Variants in OPHN1 observed in about 807,000 individuals in gnomAD.
The protein encoded by OPHN1 is oligophrenin-1.
OPHN1 carries 11 observed loss-of-function variants against 60.7 expected under a neutral mutation model. That is an observed-to-expected ratio of 0.18 (90% confidence interval 0.11 to 0.30). The LOEUF is 0.30. Ranked by LOEUF, OPHN1 falls within the 10% of genes least tolerant of loss-of-function variation. The pLI is 1.00. For synonymous variants in OPHN1, 226 were observed against 222.6 expected (o/e 1.02, Z -0.14); for missense variants, 449 against 611.0 (o/e 0.73, Z 2.80).
In OPHN1 at chrX:68,063,743, T is replaced by C. The variant is rs900447231; in HGVS notation, c.2158+111A>G. 9.1e-5 allele frequency: 55 copies of C among 605,498 alleles called. No homozygotes were observed. The African/African-American group carries it at 9.6e-4, about 11-fold the overall frequency. The allele number at this position is 605,498 out of a possible 1,213,427, so 49.9% of individuals were successfully genotyped here. A position where few individuals can be genotyped will look rare whatever the true frequency, so the allele number is the denominator to read the frequency against. Reference sequence around the variant, plus strand: ...TTGCCCACTGTTCCAATATTAGTGGTAGTAAACTGGAACATATTTCCACTT... The same window carrying C: ...TTGCCCACTGTTCCAATATTAGTGGCAGTAAACTGGAACATATTTCCACTT... On this transcript the variant is annotated intron_variant, in intron 21 of 24. Transcript: ENST00000355520.
At chrX:68,116,713 A>G (rs767497927) in intron 16 of OPHN1, among the ~76,000 whole-genome samples, 7 of 111,460 alleles carry the variant, frequency 6.3e-5, no homozygotes, top group Non-Finnish European at 1.3e-4. Context: ...ATTCCAACTT[A>G]TTGCCTCCCT....
intron 2 of OPHN1, among the ~76,000 whole-genome samples, chrX:68,376,108 T>TA (rs1015450810): frequency 5.4e-5 from 6 of 110,979 alleles, no homozygotes; most frequent in Non-Finnish European, 1.1e-4. Context: ...GTTATCTATA[T>TA]AGTCTTCCAC....
intron 6 of OPHN1, among the ~76,000 whole-genome samples, chrX:68,227,319 C>A (rs1386461264): frequency 1.8e-5 from 2 of 110,799 alleles, no homozygotes; most frequent in Admixed American, 9.7e-5. Context: ...GAGACTTTGA[C>A]ACCCCACTGT....
chrX:68,427,295 A>C lies in OPHN1; in HGVS notation c.154+5572T>G, dbSNP rs956600595. On this transcript the variant is annotated intron_variant, in intron 2 of 24. Transcript: ENST00000355520. ...AAAAAAAAAACAACAACAACAACAA[A>C]AAATTCTGTTTTAATTTTTTGTTAA... Among the ~76,000 whole-genome samples, 4 of 110,008 alleles carry C rather than the reference A, an allele frequency of 3.6e-5. No individual in the cohort carries two copies. In the South Asian group the frequency reaches 1.2e-3, roughly 32 times the overall value.
intron 15 of OPHN1, among the ~76,000 whole-genome samples, chrX:68,189,812 A>C (rs2077480117): frequency 8.9e-6 from 1 of 111,825 alleles, no homozygotes; most frequent in Admixed American, 9.6e-5. Flanking sequence ...ATTTCCCAAA[A>C]AGACAAACTT....
chrX:68,148,805 A>T (rs2077273920), intron 15 of OPHN1, among the ~76,000 whole-genome samples: 1 of 111,253 alleles, frequency 9.0e-6, no homozygotes, highest in East Asian at 2.8e-4. Context: ...CAAAGCAAGC[A>T]TAATGCCTTG....
intron 5 of OPHN1, among the ~76,000 whole-genome samples, chrX:68,257,957 C>T (rs1235220963): frequency 9.1e-6 from 1 of 110,198 alleles, no homozygotes; most frequent in African/African-American, 3.3e-5. Flanking sequence ...CTCATTTCAG[C>T]GAGATCACCC....
intron 2 of OPHN1, among the ~76,000 whole-genome samples, chrX:68,302,132 C>A (rs1401632235): frequency 8.9e-6 from 1 of 112,132 alleles, no homozygotes; most frequent in Non-Finnish European, 1.9e-5. Context: ...TTTATCATTT[C>A]TTCATGGACA....
chrX:68,389,175 T>G (rs1369601529), intron 2 of OPHN1, among the ~76,000 whole-genome samples: 2 of 106,502 alleles, frequency 1.9e-5, no homozygotes, highest in Non-Finnish European at 3.9e-5. Flanking sequence ...CAGGCCAGTC[T>G]CGAACTCCTG....
intron 18 of OPHN1, among the ~76,000 whole-genome samples, chrX:68,102,775 G>A (rs1386309819): frequency 9.0e-6 from 1 of 111,614 alleles, no homozygotes; most frequent in Admixed American, 9.5e-5. Flanking sequence ...AGAAAATCTA[G>A]AAGAAATGGA....
chrX:68,371,513 C>T (rs754742768), intron 2 of OPHN1, among the ~76,000 whole-genome samples: 190 of 111,319 alleles, frequency 1.7e-3, no homozygotes, highest in African/African-American at 5.8e-3. Context: ...GCCACTGTGC[C>T]CAGCCCTCTT....
At position 68,433,211 on chromosome X, in the gene OPHN1, G is replaced by T. The variant is rs779552361; in HGVS notation, c.-48C>A. ...TGAGGAGCGCTGGCTGGTCCGGACA[G>T]AGAACAGGCGCCCCGGCGATGGCTT... On this transcript the variant is annotated 5_prime_UTR_variant, in exon 1 of 25. It adds an upstream start codon to the 5' untranslated region. Transcript: ENST00000355520. 74 of 439,913 alleles carry T rather than the reference G, an allele frequency of 1.7e-4. No homozygotes were observed. In the African/African-American group the frequency reaches 1.7e-3, roughly 10 times the overall value. 36.3% of individuals were successfully genotyped at this position (439,913 alleles called of 1,213,427 possible).
intron 15 of OPHN1, among the ~76,000 whole-genome samples, chrX:68,175,697 C>G (rs12833606): frequency 0.13 from 14,505 of 111,197 alleles, 760 homozygotes; most frequent in African/African-American, 0.19. Context: ...TGATGACTCT[C>G]TTGTAATCTG....
intron 18 of OPHN1, 79 bp from the exon 19 acceptor site, chrX:68,097,108 G>A: frequency 1.0e-6 from 1 of 964,699 alleles, no homozygotes; most frequent in Non-Finnish European, 1.4e-6. Context: ...AGGTGCTGTA[G>A]AGGGTAAGAG....
intron 2 of OPHN1, among the ~76,000 whole-genome samples, chrX:68,383,172 A>C (rs1366952913): frequency 9.0e-6 from 1 of 111,184 alleles, no homozygotes; most frequent in East Asian, 2.8e-4. Flanking sequence ...GAAATAAAGA[A>C]AAAAAATGCT....
At chrX:68,427,225 C>T (rs772795247) in intron 2 of OPHN1, among the ~76,000 whole-genome samples, 6 of 107,930 alleles carry the variant, frequency 5.6e-5, no homozygotes, top group Non-Finnish European at 9.6e-5. Flanking sequence ...GCCGAGATTG[C>T]GCCACTGCAC....
chrX:68,101,427 A>C (rs1238446486), intron 18 of OPHN1, among the ~76,000 whole-genome samples: 3 of 112,274 alleles, frequency 2.7e-5, no homozygotes, highest in African/African-American at 9.7e-5. Flanking sequence ...TCAGATTACA[A>C]TTTGAGAAAA....
chrX:68,049,271 G>A (rs750660302), intron 23 of OPHN1, among the ~76,000 whole-genome samples: 34 of 111,852 alleles, frequency 3.0e-4, no homozygotes, highest in Non-Finnish European at 5.6e-4. Context: ...AAGTCTCAAA[G>A]TGTCTTTAAA....
chrX:68,119,017 C>A (rs1602168886), intron 16 of OPHN1, among the ~76,000 whole-genome samples: 2 of 112,099 alleles, frequency 1.8e-5, no homozygotes, highest in Admixed American at 1.9e-4. Flanking sequence ...TGAACATAAT[C>A]TTTTTAGCCT....
Sources: allele counts gnomAD v4.1 joint callset (sites outside exome capture counted in the v4.1 genomes callset), GRCh38; gene constraint gnomAD v4.1.1; transcripts MANE v1.5; gene names NCBI Gene and HGNC (gene_info 2026-07-23, HGNC 2026-07-21).